The following RNF182 variants were observed in gnomAD, a reference collection of about 807,000 sequenced individuals.
RNF182 encodes the protein E3 ubiquitin-protein ligase RNF182.
In RNF182, 15 loss-of-function variants were observed where a neutral mutation model predicts 14.4. That is an observed-to-expected ratio of 1.04 (90% CI 0.70 to 1.60). The LOEUF (loss-of-function observed/expected upper bound fraction) is 1.60, where lower values mean the gene tolerates loss of function less well. Ranked by LOEUF, RNF182 falls within the 40% of genes most tolerant of loss-of-function variation. RNF182 has a pLI of 0.00. For synonymous variants in RNF182, 128 were observed against 122.9 expected, an observed-to-expected ratio of 1.04 and a Z score of -0.27; for missense variants, 268 against 294.8, an observed-to-expected ratio of 0.91 and a Z score of 0.67.
intron 2 of RNF182, among the ~76,000 whole-genome samples, 177 bp from the exon 3 acceptor site, chr6:13,976,732 A>G (rs1314154693): frequency 2.0e-5 from 3 of 152,238 alleles, no homozygotes; most frequent in South Asian, 2.1e-4. Flanking sequence ...ACAGCTAAGC[A>G]TGGAAATAAC....
In RNF182 at chr6:13,977,021, G is replaced by C. The variant is rs554688223; in HGVS notation, c.-99G>C. On this transcript the variant is annotated 5_prime_UTR_variant, in exon 3 of 3. Coordinates refer to ENST00000488300, the MANE Select transcript of RNF182 (RefSeq NM_152737.4). Reference sequence around the variant, plus strand: ...ACTACTTATCCTGCCTTTTTGCATCGCTGCCAGATTTGGATGATATGATAT... The same window carrying C: ...ACTACTTATCCTGCCTTTTTGCATCCCTGCCAGATTTGGATGATATGATAT... 3 of 1,294,570 alleles carry C rather than the reference G, an allele frequency of 2.3e-6. No individual in the cohort carries two copies. In the African/African-American group the frequency reaches 4.5e-5, roughly 19 times the overall value. The allele number at this position is 1,294,570 out of a possible 1,614,324, so 80.2% of individuals were successfully genotyped here.
chr6:13,924,761 G>C (rs1477250384), upstream of RNF182: 2 of 152,148 alleles, frequency 1.3e-5, no homozygotes, highest in Admixed American at 6.6e-5. Flanking sequence ...GAGACTGAGA[G>C]AGGGGCGTGT....
chr6:13,942,171 C>T (rs2113599237), intron 1 of RNF182, among the ~76,000 whole-genome samples: 1 of 152,200 alleles, frequency 6.6e-6, no homozygotes, highest in East Asian at 1.9e-4. Flanking sequence ...CTGTCAGTCT[C>T]ACTTTGGTCC....
At chr6:13,935,016 T>C (rs1394664411) in intron 1 of RNF182, among the ~76,000 whole-genome samples, 1 of 152,236 alleles carries the variant, frequency 6.6e-6, no homozygotes, top group African/African-American at 2.4e-5. Context: ...ACTTGGGTTT[T>C]ATTCTATGTG....
intron 1 of RNF182, among the ~76,000 whole-genome samples, chr6:13,946,009 T>G (rs929315960): frequency 5.9e-5 from 9 of 152,104 alleles, no homozygotes; most frequent in African/African-American, 2.2e-4. Flanking sequence ...GCCTTAGGTA[T>G]AATGCTTATT....
At chr6:13,966,171 G>A (rs1262436373) in intron 1 of RNF182, among the ~76,000 whole-genome samples, 1 of 152,168 alleles carries the variant, frequency 6.6e-6, no homozygotes, top group Non-Finnish European at 1.5e-5. Context: ...TCCCTGTCAG[G>A]AGGAAATTTA....
rs545853772 is a variant in RNF182, at chr6:13,947,279, G to A, written c.-367+22256G>A. Among the ~76,000 whole-genome samples, 5 of 152,284 alleles carry A rather than the reference G, an allele frequency of 3.3e-5. No homozygotes were observed. The South Asian group carries it at 8.3e-4, about 25-fold the overall frequency. On this transcript the variant is annotated intron_variant, in intron 1 of 2. Coordinates refer to ENST00000488300, the MANE Select transcript of RNF182 (RefSeq NM_152737.4). ...CAGAAAAAACTCAAAAACAATGGATGAGACTAGAGTCTGGTAACAGGTGTA... is the reference window on the plus strand; with the variant it reads ...CAGAAAAAACTCAAAAACAATGGATAAGACTAGAGTCTGGTAACAGGTGTA...
rs1227861959 is a variant in RNF182, at chr6:13,980,219, T to C, written c.*2356T>C. On this transcript the variant is annotated 3_prime_UTR_variant, in exon 3 of 3. Transcript: ENST00000488300. ...CATAGTTTTTTTATTTTATTTTATTTTATTTTATTTTATTTTATTTTATTT... is the reference window on the plus strand; with the variant it reads ...CATAGTTTTTTTATTTTATTTTATTCTATTTTATTTTATTTTATTTTATTT... The C allele has an allele frequency of 6.7e-6, 1 of 149,164 alleles. No homozygotes were observed. Among genetic ancestry groups the C allele is most frequent in the African/African-American group, 2.4e-5 (1 of 40,964 alleles). 9.2% of individuals were successfully genotyped at this position (149,164 alleles called of 1,614,324 possible). A position where few individuals can be genotyped will look rare whatever the true frequency, so the allele number is the denominator to read the frequency against.
chr6:13,939,353 A>G (rs954733586), intron 1 of RNF182, among the ~76,000 whole-genome samples: 3 of 152,030 alleles, frequency 2.0e-5, no homozygotes, highest in African/African-American at 4.8e-5. Context: ...ATAGCTCTCC[A>G]TTTAATTATG....
intron 1 of RNF182, among the ~76,000 whole-genome samples, chr6:13,954,654 G>C (rs927204757): frequency 1.3e-5 from 2 of 152,082 alleles, no homozygotes; most frequent in Non-Finnish European, 2.9e-5. Flanking sequence ...TGTGGCACAG[G>C]AAACTGAAAG....
intron 1 of RNF182, among the ~76,000 whole-genome samples, chr6:13,960,729 T>C (rs576569670): frequency 1.3e-5 from 2 of 151,542 alleles, no homozygotes; most frequent in Non-Finnish European, 2.9e-5. Context: ...CAGTATTAGT[T>C]ACATTTAGTG....
At chr6:13,932,471 A>C (rs1488500535) in intron 1 of RNF182, among the ~76,000 whole-genome samples, 1 of 152,202 alleles carries the variant, frequency 6.6e-6, no homozygotes, top group African/African-American at 2.4e-5. Context: ...GTTAAATTTC[A>C]AACCTTAAAT....
In RNF182 at chr6:13,960,471, G is replaced by A. The variant is rs969822155; in HGVS notation, c.-366-13739G>A. Among the ~76,000 whole-genome samples, 21 of 152,064 alleles carry A rather than the reference G, an allele frequency of 1.4e-4. 1 individual carries two copies. Among genetic ancestry groups the A allele is most frequent in the Middle Eastern group, 6.3e-3 (2 of 316 alleles). On this transcript the variant is annotated intron_variant, in intron 1 of 2. Transcript: ENST00000488300. ...AGTCTGGGCAATATACCAAGACCCC[G>A]TCTTTACAAAAAACAAACAAACACA...
In RNF182 at chr6:13,978,012, C is replaced by G. The variant is rs1760387114; in HGVS notation, c.*149C>G. The G allele has an allele frequency of 5.6e-6, 5 of 897,854 alleles. No homozygotes were observed. Among genetic ancestry groups the G allele is most frequent in the Non-Finnish European group, 8.3e-6 (5 of 600,856 alleles). 55.6% of individuals were successfully genotyped at this position (897,854 alleles called of 1,614,324 possible). On this transcript the variant is annotated 3_prime_UTR_variant, in exon 3 of 3. Transcript: ENST00000488300. ...GCCACATGTTGACTTGATTGGTTTT[C>G]CTGTAGGCTGGAAGTAAAAATGTTC...
chr6:13,969,119 TG>T (rs1277048104), intron 1 of RNF182, among the ~76,000 whole-genome samples: 1 of 152,162 alleles, frequency 6.6e-6, no homozygotes, highest in East Asian at 1.9e-4. Context: ...TTGTTGTTGT[TG>T]TTGTTGTTGT....
intron 1 of RNF182, among the ~76,000 whole-genome samples, chr6:13,971,201 G>A (rs1019074879): frequency 2.0e-5 from 3 of 152,142 alleles, no homozygotes; most frequent in Admixed American, 1.3e-4. Context: ...GTGGAGCCAG[G>A]TGGAGATAAT....
At chr6:13,948,887 C>A (rs988978533) in intron 1 of RNF182, among the ~76,000 whole-genome samples, 1 of 151,356 alleles carries the variant, frequency 6.6e-6, no homozygotes, top group African/African-American at 2.4e-5. Flanking sequence ...AAAAGACAAA[C>A]AAAAATCTTT....
intron 1 of RNF182, among the ~76,000 whole-genome samples, chr6:13,953,664 T>C (rs1759654698): frequency 1.3e-5 from 2 of 152,170 alleles, no homozygotes; most frequent in Non-Finnish European, 2.9e-5. Context: ...CAGGAGAGAT[T>C]AGCCATGCTG....
At chr6:13,935,676 A>G (rs1330878713) in intron 1 of RNF182, among the ~76,000 whole-genome samples, 1 of 152,236 alleles carries the variant, frequency 6.6e-6, no homozygotes, top group African/African-American at 2.4e-5. Context: ...TGAAATTGTT[A>G]TGATCTCTTA....
Sources: gnomAD v4.1 joint callset for allele counts (sites outside exome capture counted in the v4.1 genomes callset) on GRCh38, gnomAD v4.1.1 for gene constraint, MANE v1.5 for transcripts, NCBI Gene and HGNC (gene_info 2026-07-23, HGNC 2026-07-21) for gene names.